PDE7A: variants seen among roughly 807,000 people sequenced by gnomAD.
The protein encoded by PDE7A is phosphodiesterase 7A.
A neutral mutation model predicts 64.3 loss-of-function variants in PDE7A; 39 were observed. The observed-to-expected ratio is 0.61, with a 90% CI of 0.47 to 0.79. The LOEUF (loss-of-function observed/expected upper bound fraction) is 0.79, where lower values mean the gene tolerates loss of function less well. PDE7A is among the 30% of genes least tolerant of loss of function. PDE7A has a pLI of 0.00. For missense variants in PDE7A, 470 were observed against 582.8 expected (o/e 0.81, Z 1.99); for synonymous variants, 203 against 206.8 (o/e 0.98, Z 0.16).
At chr8:65,763,502 T>C (rs1343970710) in intron 3 of PDE7A, among the ~76,000 whole-genome samples, 3 of 151,998 alleles carry the variant, frequency 2.0e-5, no homozygotes, top group Non-Finnish European at 4.4e-5. Flanking sequence ...GAGGCGAAGG[T>C]TGAGGTGAGC....
intron 6 of PDE7A, among the ~76,000 whole-genome samples, chr8:65,735,699 C>G (rs1240367515): frequency 6.6e-6 from 1 of 152,208 alleles, no homozygotes; most frequent in Non-Finnish European, 1.5e-5. Context: ...TCTCAGCTAA[C>G]TGTGCAACGC....
intron 7 of PDE7A, among the ~76,000 whole-genome samples, chr8:65,730,142 T>C (rs1806795187): frequency 6.8e-6 from 1 of 147,466 alleles, no homozygotes; most frequent in Non-Finnish European, 1.5e-5. Context: ...TTGTAAACTG[T>C]GCATGTGAGG....
intron 3 of PDE7A, among the ~76,000 whole-genome samples, chr8:65,761,928 C>T (rs1036676404): frequency 6.6e-6 from 1 of 152,146 alleles, no homozygotes; most frequent in African/African-American, 2.4e-5. Context: ...TCACCCAAAT[C>T]GCATGTTTTC....
chr8:65,775,642 C>G (rs1809238219), intron 3 of PDE7A, among the ~76,000 whole-genome samples: 1 of 152,198 alleles, frequency 6.6e-6, no homozygotes, highest in Admixed American at 6.5e-5. Flanking sequence ...CTTCCCTTTT[C>G]TTTGAGACGA....
rs1175259282 is a variant in PDE7A, at chr8:65,715,941, G to A, written c.*3349C>T. Reference sequence around the variant, plus strand: ...GAACCCGGGAGGCGGAACTTGCAGTGAGCCAATATCGCGGCACTGCACTCC... The same window carrying A: ...GAACCCGGGAGGCGGAACTTGCAGTAAGCCAATATCGCGGCACTGCACTCC... On this transcript the variant is annotated 3_prime_UTR_variant, in exon 13 of 13. Transcript: ENST00000401827. 1.4e-5 allele frequency among the ~76,000 whole-genome samples: 2 copies of A among 138,820 alleles called. No homozygotes were observed. Among genetic ancestry groups the A allele is most frequent in the African/African-American group, 5.3e-5 (2 of 37,702 alleles). The allele number at this position is 138,820 out of a possible 152,430, so 91.1% of individuals were successfully genotyped here.
chr8:65,762,785 G>T (rs1333436566), intron 3 of PDE7A, among the ~76,000 whole-genome samples: 1 of 151,914 alleles, frequency 6.6e-6, no homozygotes, highest in African/African-American at 2.4e-5. Context: ...ATGTGCTAGA[G>T]AAATAATTGG....
At chr8:65,794,396 C>CT (rs146477328) in intron 1 of PDE7A, among the ~76,000 whole-genome samples, 6,368 of 150,568 alleles carry the variant, frequency 0.042, 457 homozygotes, top group African/African-American at 0.14. Context: ...TTGAAAGATA[C>CT]TTTTTTTAAT....
At chr8:65,799,962 G>A (rs1314056186) in intron 1 of PDE7A, among the ~76,000 whole-genome samples, 1 of 152,144 alleles carries the variant, frequency 6.6e-6, no homozygotes, top group Non-Finnish European at 1.5e-5. Context: ...ACTCACAAAG[G>A]AAAATCCTTA....
chr8:65,768,101 C>T (rs1808887014), intron 3 of PDE7A, among the ~76,000 whole-genome samples: 1 of 152,268 alleles, frequency 6.6e-6, no homozygotes, highest in African/African-American at 2.4e-5. Flanking sequence ...GGGAGAAACC[C>T]CTCCACACAT....
chr8:65,837,729 C>A (rs565169236), intron 1 of PDE7A, among the ~76,000 whole-genome samples: 4 of 152,312 alleles, frequency 2.6e-5, no homozygotes, highest in Admixed American at 2.6e-4. Flanking sequence ...CACACTTACA[C>A]AAATGTACTT....
At chr8:65,833,316 T>C (rs1017468451) in intron 1 of PDE7A, among the ~76,000 whole-genome samples, 1 of 152,196 alleles carries the variant, frequency 6.6e-6, no homozygotes, top group Admixed American at 6.5e-5. Context: ...AGCTGAGTTA[T>C]ACCCTCCTAG....
intron 1 of PDE7A, among the ~76,000 whole-genome samples, chr8:65,784,417 A>C (rs554630682): frequency 3.3e-5 from 5 of 152,194 alleles, no homozygotes; most frequent in Non-Finnish European, 7.3e-5. Flanking sequence ...CTAGAAAAAC[A>C]TAAAGCTATA....
At chr8:65,827,617 C>A (rs1191093257) in intron 1 of PDE7A, among the ~76,000 whole-genome samples, 1 of 152,116 alleles carries the variant, frequency 6.6e-6, no homozygotes, top group Non-Finnish European at 1.5e-5. Context: ...TAATGAATAG[C>A]ATGTATAACA....
intron 1 of PDE7A, among the ~76,000 whole-genome samples, chr8:65,832,660 A>AT (rs1006229998): frequency 2.0e-5 from 3 of 151,740 alleles, no homozygotes; most frequent in Non-Finnish European, 4.4e-5. Context: ...AATTTTTAAA[A>AT]TTTTTTTTGC....
intron 2 of PDE7A, chr8:65,780,735 T>G (rs926661036): frequency 1.3e-5 from 2 of 152,254 alleles, no homozygotes; most frequent in Non-Finnish European, 2.9e-5. Context: ...CCAAAGACAG[T>G]ACTGTTCTCA....
rs1806178049 is a variant in PDE7A, at chr8:65,717,251, T to G, written c.*2039A>C. Among the ~76,000 whole-genome samples the G allele has an allele frequency of 6.6e-6, 1 of 152,186 alleles. No individual in the cohort carries two copies. ...GTTTGATTTAGAAGTTTGCACCATA[T>G]CCCTTCTAATGAGTTGGACCTGGGA... On this transcript the variant is annotated 3_prime_UTR_variant, in exon 13 of 13. Coordinates refer to ENST00000401827, the MANE Select transcript of PDE7A (RefSeq NM_001242318.3).
chr8:65,841,963 G>GGCA lies in PDE7A; in HGVS notation c.-456_-455insTGC, dbSNP rs1554573187. On this transcript the variant is annotated 5_prime_UTR_variant, in exon 1 of 13. Transcript: ENST00000401827. The stretch of plus-strand genomic sequence containing the variant: ...GGACTCAGGAGCAGCGACCAGCTCG[G>GGCA]GCCGCCGCCGCCGCCGCCGCCGCCG... 2.0e-5 allele frequency: 5 copies of GGCA among 244,282 alleles called. No individual in the cohort carries two copies. The highest frequency in any genetic ancestry group is 3.2e-5 in the Non-Finnish European group (4 of 126,646). 15.1% of individuals were successfully genotyped at this position (244,282 alleles called of 1,614,324 possible).
chr8:65,801,604 A>T (rs1464089207), intron 1 of PDE7A, among the ~76,000 whole-genome samples: 2 of 132,644 alleles, frequency 1.5e-5, no homozygotes, highest in African/African-American at 2.5e-5. Context: ...ACACTCATTT[A>T]AAAAAAAAAC....
chr8:65,766,121 T>C (rs1311128809), intron 3 of PDE7A, among the ~76,000 whole-genome samples: 2 of 152,144 alleles, frequency 1.3e-5, no homozygotes, highest in African/African-American at 2.4e-5. Flanking sequence ...AATTTTTGTA[T>C]TTTTAGTAGA....
Sources: gnomAD v4.1 joint callset for allele counts (sites outside exome capture counted in the v4.1 genomes callset) on GRCh38, gnomAD v4.1.1 for gene constraint, MANE v1.5 for transcripts, NCBI Gene and HGNC (gene_info 2026-07-23, HGNC 2026-07-21) for gene names.